GALNTL6: variants seen among roughly 807,000 people sequenced by gnomAD.
GALNTL6 encodes the protein polypeptide N-acetylgalactosaminyltransferase-like 6.
Under a neutral mutation model 73.7 loss-of-function variants are expected in GALNTL6, and 46 were observed. The observed-to-expected ratio is 0.62, with a 90% CI of 0.49 to 0.80. The LOEUF is 0.80. GALNTL6 is among the 30% of genes least tolerant of loss of function. The pLI is 0.00. For synonymous variants in GALNTL6, 259 were observed against 263.7 expected (o/e 0.98, Z 0.17); for missense variants, 604 against 755.0 (o/e 0.80, Z 2.34).
intron 3 of GALNTL6, among the ~76,000 whole-genome samples, chr4:172,287,439 C>G (rs1413768759): frequency 6.6e-6 from 1 of 152,164 alleles, no homozygotes; most frequent in East Asian, 1.9e-4. Flanking sequence ...CTTAGGAGAT[C>G]TACAAAATAG....
chr4:172,560,158 C>T (rs1247553715), intron 5 of GALNTL6, among the ~76,000 whole-genome samples: 3 of 152,014 alleles, frequency 2.0e-5, no homozygotes, highest in African/African-American at 7.2e-5. Flanking sequence ...TTCTTGCATA[C>T]CCTGAAACTC....
intron 9 of GALNTL6, among the ~76,000 whole-genome samples, chr4:172,942,651 G>A (rs1031341984): frequency 2.0e-5 from 3 of 152,112 alleles, no homozygotes; most frequent in African/African-American, 7.2e-5. Flanking sequence ...GCATACCCAT[G>A]CTGCACCGCC....
chr4:172,104,379 A>G (rs1732619949), intron 2 of GALNTL6, among the ~76,000 whole-genome samples: 1 of 152,218 alleles, frequency 6.6e-6, no homozygotes, highest in South Asian at 2.1e-4. Context: ...CTCAAGAAAC[A>G]TCGACTTAAA....
At chr4:172,905,903 C>A (rs1428862372) in intron 8 of GALNTL6, among the ~76,000 whole-genome samples, 2 of 150,144 alleles carry the variant, frequency 1.3e-5, no homozygotes, top group Admixed American at 6.6e-5. Context: ...TTACCCCCAA[C>A]CACGACCTAT....
At chr4:172,722,072 T>C (rs1735514161) in intron 5 of GALNTL6, among the ~76,000 whole-genome samples, 1 of 152,104 alleles carries the variant, frequency 6.6e-6, no homozygotes, top group Non-Finnish European at 1.5e-5. Flanking sequence ...GTGGCTCCTT[T>C]CTGTCAATGT....
intron 5 of GALNTL6, among the ~76,000 whole-genome samples, chr4:172,774,348 TTTGA>T (rs1295286583): frequency 2.6e-5 from 4 of 152,178 alleles, no homozygotes; most frequent in Non-Finnish European, 4.4e-5. Context: ...ATACTATCCC[TTTGA>T]TTGGGGGGTG....
At chr4:172,430,790 G>T (rs1731419787) in intron 5 of GALNTL6, among the ~76,000 whole-genome samples, 1 of 152,014 alleles carries the variant, frequency 6.6e-6, no homozygotes, top group South Asian at 2.1e-4. Flanking sequence ...GGGTGACAGT[G>T]AAACCCTATC....
intron 5 of GALNTL6, among the ~76,000 whole-genome samples, chr4:172,612,605 C>G (rs912550042): frequency 6.6e-6 from 1 of 151,964 alleles, no homozygotes; most frequent in Non-Finnish European, 1.5e-5. Context: ...TTTTTTCAGC[C>G]CTATGAGAGA....
At chr4:172,719,690 A>G (rs1488287837) in intron 5 of GALNTL6, among the ~76,000 whole-genome samples, 2 of 152,180 alleles carry the variant, frequency 1.3e-5, no homozygotes, top group African/African-American at 2.4e-5. Context: ...GTTACCAGGA[A>G]GAGGTCTGGA....
intron 10 of GALNTL6, 61 bp downstream of exon 10, chr4:172,952,319 C>A: frequency 8.1e-7 from 1 of 1,227,504 alleles, no homozygotes; most frequent in East Asian, 2.4e-5. Flanking sequence ...CCCCCATAGC[C>A]TCAGGTGGTG....
intron 3 of GALNTL6, among the ~76,000 whole-genome samples, chr4:172,278,673 A>G (rs1174067115): frequency 6.6e-6 from 1 of 152,206 alleles, no homozygotes; most frequent in East Asian, 1.9e-4. Context: ...GTTTTGCCTG[A>G]AAAAATGTAT....
At chr4:172,177,815 G>GTGTGTATATATACACA (rs1442092137) in intron 2 of GALNTL6, among the ~76,000 whole-genome samples, 37 of 123,382 alleles carry the variant, frequency 3.0e-4, no homozygotes, top group Non-Finnish European at 3.7e-4. Context: ...ACATATATGT[G>GTGTGTATATATACACA]TGTGTATATA....
At chr4:172,051,058 G>A (rs762840130) in intron 2 of GALNTL6, among the ~76,000 whole-genome samples, 13 of 152,124 alleles carry the variant, frequency 8.5e-5, no homozygotes, top group Non-Finnish European at 1.9e-4. Context: ...ATGATGCACT[G>A]TCATCAACCT....
At chr4:171,876,319 C>A (rs535999811) in intron 2 of GALNTL6, among the ~76,000 whole-genome samples, 1 of 152,266 alleles carries the variant, frequency 6.6e-6, no homozygotes, top group South Asian at 2.1e-4. Context: ...TGGTTTATTA[C>A]TAGAGTTGTA....
At chr4:172,030,553 T>C (rs1057467028) in intron 2 of GALNTL6, among the ~76,000 whole-genome samples, 3 of 151,616 alleles carry the variant, frequency 2.0e-5, no homozygotes, top group African/African-American at 7.3e-5. Context: ...CTACCAAAAA[T>C]ACAAAAATTA....
At chr4:172,916,592 A>G (rs1012453273) in intron 8 of GALNTL6, among the ~76,000 whole-genome samples, 3 of 152,208 alleles carry the variant, frequency 2.0e-5, no homozygotes, top group Admixed American at 6.5e-5. Context: ...AAGCATTCCT[A>G]TACACCAATA....
At chr4:172,362,477 A>ATCGTT (rs1340235497) in intron 5 of GALNTL6, among the ~76,000 whole-genome samples, 1 of 151,954 alleles carries the variant, frequency 6.6e-6, no homozygotes, top group Non-Finnish European at 1.5e-5. Context: ...TGCTTTTCTC[A>ATCGTT]TCGTTTCCTC....
intron 2 of GALNTL6, among the ~76,000 whole-genome samples, chr4:172,044,006 G>A (rs1451766954): frequency 1.3e-5 from 2 of 152,002 alleles, no homozygotes; most frequent in Non-Finnish European, 2.9e-5. Flanking sequence ...TTAGGAAACA[G>A]TGTAAGGAAG....
intron 5 of GALNTL6, among the ~76,000 whole-genome samples, chr4:172,622,376 G>GA (rs1284821798): frequency 6.6e-6 from 1 of 151,802 alleles, no homozygotes; most frequent in Non-Finnish European, 1.5e-5. Flanking sequence ...ACAAGGAACA[G>GA]AAAAAAATTA....
Sources: gnomAD v4.1 joint callset for allele counts (sites outside exome capture counted in the v4.1 genomes callset) on GRCh38, gnomAD v4.1.1 for gene constraint, MANE v1.5 for transcripts, NCBI Gene and HGNC (gene_info 2026-07-23, HGNC 2026-07-21) for gene names.